The following DOCK1 variants were observed in gnomAD, a reference collection of about 807,000 sequenced individuals.
DOCK1 encodes dedicator of cytokinesis protein 1.
DOCK1 carries 138 observed loss-of-function variants against 262.7 expected under a neutral mutation model. That is an observed-to-expected ratio of 0.53 (90% CI 0.46 to 0.61). The LOEUF is 0.61. Ranked by LOEUF, DOCK1 falls within the 20% of genes least tolerant of loss-of-function variation. The pLI, the probability that DOCK1 is intolerant of heterozygous loss-of-function variation, is 0.00. For synonymous variants in DOCK1, 866 were observed against 867.4 expected (o/e 1.00, Z 0.03); for missense variants, 1,908 against 2,370.7 (o/e 0.80, Z 4.05).
At chr10:127,377,213 C>T (rs1369118745) in intron 35 of DOCK1, among the ~76,000 whole-genome samples, 2 of 152,080 alleles carry the variant, frequency 1.3e-5, no homozygotes, top group East Asian at 3.9e-4. Flanking sequence ...AAACAAGAAA[C>T]CAGAGTTTTA....
chr10:127,379,056 C>G (rs2065684566), intron 35 of DOCK1, among the ~76,000 whole-genome samples: 1 of 152,168 alleles, frequency 6.6e-6, no homozygotes, highest in Non-Finnish European at 1.5e-5. Context: ...TGGTGATATT[C>G]ACTAGTTACT....
intron 21 of DOCK1, among the ~76,000 whole-genome samples, chr10:127,043,599 C>A (rs1295787468): frequency 6.6e-6 from 1 of 152,206 alleles, no homozygotes; most frequent in Non-Finnish European, 1.5e-5. Flanking sequence ...CTTTAAAGAG[C>A]ACCTTCCCTT....
intron 1 of DOCK1, among the ~76,000 whole-genome samples, chr10:126,912,881 C>G (rs1403948869): frequency 6.6e-6 from 1 of 152,150 alleles, no homozygotes; most frequent in Non-Finnish European, 1.5e-5. Flanking sequence ...GAGGTTAGAA[C>G]ACTGACATAT....
chr10:127,339,131 A>G (rs2063318235), intron 30 of DOCK1, 47 bp downstream of exon 30: 1 of 1,480,968 alleles, frequency 6.8e-7, no homozygotes, highest in African/African-American at 1.4e-5. Flanking sequence ...TCATGTTAAA[A>G]CAAATTGCTG....
At chr10:127,332,840 C>G (rs2063042242) in intron 29 of DOCK1, among the ~76,000 whole-genome samples, 1 of 152,170 alleles carries the variant, frequency 6.6e-6, no homozygotes, top group Non-Finnish European at 1.5e-5. Context: ...GGGGAGGTGC[C>G]AGGAGACGGA....
At chr10:127,372,806 A>C (rs1338712964) in intron 33 of DOCK1, among the ~76,000 whole-genome samples, 3 of 152,036 alleles carry the variant, frequency 2.0e-5, no homozygotes, top group Non-Finnish European at 2.9e-5. Flanking sequence ...AGCTTTCTTC[A>C]ATTCTTCCTT....
At chr10:127,295,890 A>G (rs1237537380) in intron 29 of DOCK1, among the ~76,000 whole-genome samples, 1 of 152,216 alleles carries the variant, frequency 6.6e-6, no homozygotes, top group African/African-American at 2.4e-5. Flanking sequence ...AAAAACCTAA[A>G]ATCAGGTTGG....
chr10:127,146,066 G>T, intron 27 of DOCK1: 1 of 517,394 alleles, frequency 1.9e-6, no homozygotes. Flanking sequence ...GGCCAGGACT[G>T]CGTCCCGTAT....
chr10:127,332,474 C>T (rs1216472137), intron 29 of DOCK1, among the ~76,000 whole-genome samples: 2 of 152,198 alleles, frequency 1.3e-5, no homozygotes, highest in South Asian at 2.1e-4. Flanking sequence ...GTCCCTTCCT[C>T]GCTTTAAAAT....
At chr10:126,934,560 G>C (rs2034421691) in intron 1 of DOCK1, among the ~76,000 whole-genome samples, 1 of 152,302 alleles carries the variant, frequency 6.6e-6, no homozygotes, top group Middle Eastern at 3.4e-3. Flanking sequence ...ACTGATACCT[G>C]ACATGGAGCC....
In DOCK1 at chr10:126,986,589, G is replaced by C. The variant is rs115175651; in HGVS notation, c.228-932G>C. Among the ~76,000 whole-genome samples, 1,334 of 152,236 alleles carry C rather than the reference G, an allele frequency of 8.8e-3. 19 individuals carry two copies. Among genetic ancestry groups the C allele is most frequent in the African/African-American group, 0.031 (1,268 of 41,520 alleles). ...AAGCAGTGGTTGATTTGATGAAAAC[G>C]AGCGCATAAATAGGTAATGAGTTAA... is the stretch of plus-strand genomic sequence containing the variant. On this transcript the variant is annotated intron_variant, in intron 4 of 51. Coordinates refer to ENST00000623213, the MANE Select transcript of DOCK1 (RefSeq NM_001290223.2).
chr10:127,164,729 C>G (rs2053927536), intron 27 of DOCK1, among the ~76,000 whole-genome samples: 1 of 152,104 alleles, frequency 6.6e-6, no homozygotes. Context: ...AATATAAAAT[C>G]ATAACATAAA....
intron 27 of DOCK1, among the ~76,000 whole-genome samples, chr10:127,150,629 C>T (rs1314920796): frequency 6.6e-6 from 1 of 152,182 alleles, no homozygotes; most frequent in Non-Finnish European, 1.5e-5. Flanking sequence ...AGATTTGTTC[C>T]TGGACCTGTT....
intron 21 of DOCK1, among the ~76,000 whole-genome samples, chr10:127,045,764 T>C (rs1591796813): frequency 6.6e-6 from 1 of 152,108 alleles, no homozygotes; most frequent in Admixed American, 6.5e-5. Context: ...GGCATCGGCT[T>C]TGGGGGCTGC....
At chr10:127,087,120 C>G (rs960264151) in intron 23 of DOCK1, among the ~76,000 whole-genome samples, 1 of 152,178 alleles carries the variant, frequency 6.6e-6, no homozygotes, top group African/African-American at 2.4e-5. Flanking sequence ...AAGCACTCTG[C>G]AGCTTGTTCT....
At chr10:127,137,931 G>A (rs753834736) in intron 27 of DOCK1, 4 of 1,614,090 alleles carry the variant, frequency 2.5e-6, no homozygotes, top group Non-Finnish European at 1.7e-6. Context: ...AGAGTAAGGC[G>A]AAGGTATGAC....
intron 29 of DOCK1, among the ~76,000 whole-genome samples, chr10:127,328,659 A>T (rs2062846767): frequency 6.6e-6 from 1 of 152,058 alleles, no homozygotes; most frequent in African/African-American, 2.4e-5. Flanking sequence ...GATGGCAGGG[A>T]GGCGAGGTCT....
chr10:127,118,173 A>G (rs1225533844), intron 25 of DOCK1, among the ~76,000 whole-genome samples: 1 of 151,952 alleles, frequency 6.6e-6, no homozygotes, highest in Non-Finnish European at 1.5e-5. Flanking sequence ...CTCATCCTCC[A>G]TGTGGTGAGA....
At chr10:127,038,799 C>G (rs370674868) in intron 19 of DOCK1, among the ~76,000 whole-genome samples, 2 of 152,164 alleles carry the variant, frequency 1.3e-5, no homozygotes, top group African/African-American at 4.8e-5. Context: ...GTTTGTGGTT[C>G]TGATGTTTTC....
Sources: gnomAD v4.1 joint callset for allele counts (sites outside exome capture counted in the v4.1 genomes callset) on GRCh38, gnomAD v4.1.1 for gene constraint, MANE v1.5 for transcripts, NCBI Gene and HGNC (gene_info 2026-07-23, HGNC 2026-07-21) for gene names.